MYO18B: variants seen among roughly 807,000 people sequenced by gnomAD.
MYO18B encodes unconventional myosin-XVIIIb.
A neutral mutation model predicts 273.0 loss-of-function variants in MYO18B; 204 were observed. The observed-to-expected ratio is 0.75, with a 90% CI of 0.67 to 0.84. The LOEUF is 0.84. Ranked by LOEUF, MYO18B falls within the 40% of genes least tolerant of loss-of-function variation. The pLI is 0.00. For synonymous variants in MYO18B, 1,330 were observed against 1,305.7 expected, an observed-to-expected ratio of 1.02 and a Z score of -0.40; for missense variants, 3,212 against 3,287.6, an observed-to-expected ratio of 0.98 and a Z score of 0.56.
chr22:25,786,519 A>G (rs1297384271), intron 11 of MYO18B, among the ~76,000 whole-genome samples: 1 of 152,038 alleles, frequency 6.6e-6, no homozygotes, highest in Non-Finnish European at 1.5e-5. Context: ...CATATTTCAC[A>G]TGATATACTA....
At chr22:25,947,487 T>TACACACACAG (rs71311532) in intron 35 of MYO18B, among the ~76,000 whole-genome samples, 111 of 110,676 alleles carry the variant, frequency 1.0e-3, no homozygotes, top group African/African-American at 3.7e-3. Flanking sequence ...TAATGCCTAA[T>TACACACACAG]ACACACACAC....
chr22:25,769,727 ATGTCACAC>A (rs2086647222), intron 4 of MYO18B, among the ~76,000 whole-genome samples: 1 of 152,278 alleles, frequency 6.6e-6, no homozygotes, highest in Admixed American at 6.5e-5. Context: ...CTTGCTTATG[ATGTCACAC>A]GACAGCTTTC....
rs1041521354 is a variant in MYO18B at position 25,933,134 on chromosome 22, A to G, written c.5517+11725A>G. 3.3e-5 allele frequency among the ~76,000 whole-genome samples: 5 copies of G among 152,200 alleles called. 1 individual carries two copies. ...AGAGTTCAGGCCAGTTGCATTGTAG[A>G]ATGTTCCTCAATTTTGGGTGAACTG... On this transcript the variant is annotated intron_variant, in intron 34 of 43. Coordinates refer to ENST00000335473, the MANE Select transcript of MYO18B (RefSeq NM_032608.7).
At chr22:25,878,773 A>G (rs1413274223) in intron 25 of MYO18B, among the ~76,000 whole-genome samples, 1 of 152,244 alleles carries the variant, frequency 6.6e-6, no homozygotes, top group African/African-American at 2.4e-5. Context: ...ATTCTTATTT[A>G]CTGCTGCTGG....
At chr22:25,797,706 G>C (rs1004362001) in intron 11 of MYO18B, among the ~76,000 whole-genome samples, 1 of 152,128 alleles carries the variant, frequency 6.6e-6, no homozygotes, top group Non-Finnish European at 1.5e-5. Context: ...CCATAAATCT[G>C]TAATGCGTGC....
chr22:26,047,062 C>T, the MYO18B span, among the ~76,000 whole-genome samples: 1 of 151,772 alleles, frequency 6.6e-6, no homozygotes, highest in East Asian at 1.9e-4. Context: ...GGTTACAGAA[C>T]TCCAAAGGCC....
intron 1 of MYO18B, among the ~76,000 whole-genome samples, chr22:25,744,346 C>T (rs1425024948): frequency 6.6e-6 from 1 of 152,166 alleles, no homozygotes; most frequent in Non-Finnish European, 1.5e-5. Flanking sequence ...GGAGATGGCC[C>T]TTCACTGGGT....
At chr22:25,984,769 A>C (rs1187678527) in intron 39 of MYO18B, among the ~76,000 whole-genome samples, 2 of 151,776 alleles carry the variant, frequency 1.3e-5, no homozygotes, top group South Asian at 2.1e-4. Context: ...TGCACTCTCC[A>C]GTCTGGGCAA....
At position 25,955,165 on chromosome 22, in the gene MYO18B, T is replaced by G; in HGVS notation, c.5971-14T>G. 1 of 1,586,052 alleles carries G rather than the reference T, an allele frequency of 6.3e-7. No homozygotes were observed. The highest frequency in any genetic ancestry group is 1.2e-5 in the South Asian group (1 of 86,460). On this transcript the variant is annotated splice_polypyrimidine_tract_variant and intron_variant, in intron 38 of 43. Coordinates refer to ENST00000335473, the MANE Select transcript of MYO18B (RefSeq NM_032608.7). The stretch of plus-strand genomic sequence containing the variant: ...TCCAACTCCAAGGTGGGCATGTGTC[T>G]CTGCCCCTCCCAGGTCCTGGTGATC...
intron 22 of MYO18B, among the ~76,000 whole-genome samples, chr22:25,873,529 C>T (rs2091105950): frequency 6.6e-6 from 1 of 152,204 alleles, no homozygotes; most frequent in African/African-American, 2.4e-5. Flanking sequence ...CAACTTCTGC[C>T]TCCCGGGTTC....
intron 34 of MYO18B, among the ~76,000 whole-genome samples, chr22:25,924,250 C>T (rs1215098958): frequency 1.3e-5 from 2 of 152,192 alleles, no homozygotes; most frequent in Admixed American, 1.3e-4. Flanking sequence ...CTGAAGGCTC[C>T]AGGGACATAG....
intron 15 of MYO18B, among the ~76,000 whole-genome samples, chr22:25,832,603 G>A (rs951018260): frequency 6.6e-6 from 1 of 152,178 alleles, no homozygotes. Context: ...GTAGGATGCT[G>A]GGGGAGAAGG....
In MYO18B at chr22:25,952,270, T is replaced by C. The variant is rs372625330; in HGVS notation, c.5833-16T>C. On this transcript the variant is annotated splice_polypyrimidine_tract_variant and intron_variant, in intron 37 of 43. Coordinates refer to ENST00000335473, the MANE Select transcript of MYO18B (RefSeq NM_032608.7). ...AGGGACAACAGATGTCCAATAGACT[T>C]CTCTCATACTTACAGCTGCAGGTGG... 5 of 1,606,340 alleles carry C rather than the reference T, an allele frequency of 3.1e-6. No individual in the cohort carries two copies. Among genetic ancestry groups the C allele is most frequent in the Admixed American group, 1.7e-5 (1 of 59,072 alleles).
At chr22:25,851,431 G>T in intron 20 of MYO18B, 39 bp from the exon 21 acceptor site, 1 of 1,400,822 alleles carries the variant, frequency 7.1e-7, no homozygotes, top group South Asian at 1.2e-5. Context: ...TTCTCATCTG[G>T]ACTCTGTGCT....
intron 34 of MYO18B, among the ~76,000 whole-genome samples, chr22:25,936,031 A>G (rs1488924223): frequency 2.0e-5 from 3 of 152,222 alleles, no homozygotes; most frequent in African/African-American, 7.2e-5. Flanking sequence ...GTCAGGACCC[A>G]GAGTTGAACA....
At chr22:26,033,101 T>C (rs1313203806), downstream of MYO18B, among the ~76,000 whole-genome samples, 2 of 152,202 alleles carry the variant, frequency 1.3e-5, no homozygotes, top group Non-Finnish European at 2.9e-5. Flanking sequence ...GAAGAGATTA[T>C]CAATGCCGGA....
At chr22:25,988,880 C>T (rs931300625) in intron 39 of MYO18B, among the ~76,000 whole-genome samples, 4 of 152,184 alleles carry the variant, frequency 2.6e-5, no homozygotes, top group South Asian at 2.1e-4. Context: ...GGAGGTCACA[C>T]AGCCAGTGAG....
intron 17 of MYO18B, among the ~76,000 whole-genome samples, chr22:25,841,041 G>A (rs928072632): frequency 1.4e-4 from 22 of 152,180 alleles, no homozygotes; most frequent in African/African-American, 4.6e-4. Flanking sequence ...GGGGCATTCC[G>A]GCTAACCCAG....
rs62224749 is a variant in MYO18B, at chr22:25,919,678, A to G, written c.5365-1579A>G. Among the ~76,000 whole-genome samples the G allele has an allele frequency of 6.1e-3, 899 of 148,106 alleles. 3 individuals are homozygous for G. The highest frequency in any genetic ancestry group is 0.019 in the African/African-American group (765 of 40,432). On this transcript the variant is annotated intron_variant, in intron 33 of 43. Coordinates refer to ENST00000335473, the MANE Select transcript of MYO18B (RefSeq NM_032608.7). ...TCAGCAGGTGAGATTGTGTGTGTGT[A>G]TGTGTGTGTGTGTGTGTGTGTGTGT...
Sources: gnomAD v4.1 joint callset for allele counts (sites outside exome capture counted in the v4.1 genomes callset) on GRCh38, gnomAD v4.1.1 for gene constraint, MANE v1.5 for transcripts, NCBI Gene and HGNC (gene_info 2026-07-23, HGNC 2026-07-21) for gene names.